RGPD4: variants seen among roughly 807,000 people sequenced by gnomAD.
The protein encoded by RGPD4 is ranBP2-like and GRIP domain-containing protein 4.
A neutral mutation model predicts 141.1 loss-of-function variants in RGPD4; 84 were observed. The ratio of observed to expected loss-of-function variants is 0.60; its 90% CI spans 0.50 to 0.71. The LOEUF (loss-of-function observed/expected upper bound fraction) is 0.71, where lower values mean the gene tolerates loss of function less well. RGPD4 is among the 30% of genes least tolerant of loss of function. The pLI, the probability that RGPD4 is intolerant of heterozygous loss-of-function variation, is 0.00. For synonymous variants in RGPD4, 298 were observed against 566.8 expected (o/e 0.53, Z 6.74); for missense variants, 918 against 1,622.4 (o/e 0.57, Z 7.46).
At chr2:107,882,372 C>T (rs1414859003) in intron 21 of RGPD4, among the ~76,000 whole-genome samples, 3 of 151,846 alleles carry the variant, frequency 2.0e-5, no homozygotes, top group Non-Finnish European at 4.4e-5. Flanking sequence ...ACAGTGGAGT[C>T]CTATAGCCCA....
chr2:107,856,353 G>A (rs1682312032), intron 8 of RGPD4, among the ~76,000 whole-genome samples: 1 of 142,986 alleles, frequency 7.0e-6, no homozygotes, highest in Admixed American at 7.1e-5. Flanking sequence ...GAGCCACCAT[G>A]CCCAGCTGGA....
intron 1 of RGPD4, among the ~76,000 whole-genome samples, chr2:107,830,151 A>G (rs530251776): frequency 2.1e-3 from 314 of 151,514 alleles, no homozygotes; most frequent in Non-Finnish European, 3.3e-3. Flanking sequence ...ATCCCCGCCC[A>G]GAAGACTTTG....
intron 22 of RGPD4, among the ~76,000 whole-genome samples, chr2:107,890,490 A>C (rs1450277477): frequency 5.4e-5 from 7 of 129,788 alleles, no homozygotes; most frequent in Non-Finnish European, 1.1e-4. Context: ...TCAAGGCTGC[A>C]CTGAAGTCTC....
chr2:107,857,790 A>C (rs59465525), intron 9 of RGPD4, among the ~76,000 whole-genome samples: 3 of 150,804 alleles, frequency 2.0e-5, no homozygotes, highest in Non-Finnish European at 4.4e-5. Context: ...TCAGGAGTTC[A>C]AGACCATCCT....
At chr2:107,830,511 T>C (rs1443919838) in intron 1 of RGPD4, among the ~76,000 whole-genome samples, 2 of 152,146 alleles carry the variant, frequency 1.3e-5, no homozygotes, top group East Asian at 1.9e-4. Context: ...TGACGATTGG[T>C]TATTATGGCA....
chr2:107,849,669 C>T (rs1249390501), intron 7 of RGPD4, among the ~76,000 whole-genome samples: 1 of 88,392 alleles, frequency 1.1e-5, no homozygotes, highest in Admixed American at 1.1e-4. Flanking sequence ...CCATGCCCAG[C>T]CTTTTTTTTT....
At chr2:107,830,990 C>G (rs1681464312) in intron 1 of RGPD4, among the ~76,000 whole-genome samples, 1 of 151,884 alleles carries the variant, frequency 6.6e-6, no homozygotes, top group Non-Finnish European at 1.5e-5. Context: ...CCAGCCTGAC[C>G]AATATGGTGA....
chr2:107,890,374 T>C (rs202070083), intron 22 of RGPD4, among the ~76,000 whole-genome samples: 104 of 126,206 alleles, frequency 8.2e-4, no homozygotes, highest in African/African-American at 3.0e-3. Context: ...CAGTGAGACC[T>C]GCATCTCTAC....
intron 18 of RGPD4, among the ~76,000 whole-genome samples, chr2:107,868,822 GATTT>G (rs1287566519): frequency 1.0e-5 from 1 of 100,206 alleles, no homozygotes; most frequent in Non-Finnish European, 2.1e-5. Context: ...ACTTTTAGTA[GATTT>G]ATTAGAGCCG....
At chr2:107,829,688 G>A (rs913430141) in intron 1 of RGPD4, among the ~76,000 whole-genome samples, 139 of 152,260 alleles carry the variant, frequency 9.1e-4, no homozygotes, top group Non-Finnish European at 1.7e-3. Context: ...GTCCTGGGGG[G>A]ACCGCGGCGG....
intron 1 of RGPD4, among the ~76,000 whole-genome samples, chr2:107,834,644 C>T (rs1322462287): frequency 6.7e-6 from 1 of 150,360 alleles, no homozygotes; most frequent in African/African-American, 2.5e-5. Flanking sequence ...GCAAGAGTAG[C>T]GATGCTGGCA....
At chr2:107,885,115 T>C (rs1202770723) in intron 22 of RGPD4, among the ~76,000 whole-genome samples, 1 of 152,010 alleles carries the variant, frequency 6.6e-6, no homozygotes, top group Admixed American at 6.6e-5. Flanking sequence ...TAAGAATACA[T>C]CATGTATATT....
chr2:107,829,833 G>C (rs185076517), intron 1 of RGPD4, among the ~76,000 whole-genome samples: 2 of 152,032 alleles, frequency 1.3e-5, no homozygotes, highest in Non-Finnish European at 1.5e-5. Flanking sequence ...CCTGGTTCTC[G>C]GGGGCTTAGG....
intron 11 of RGPD4, 62 bp from the exon 12 acceptor site, chr2:107,859,660 T>G: frequency 6.2e-7 from 1 of 1,611,212 alleles, no homozygotes; most frequent in South Asian, 1.1e-5. Flanking sequence ...TTAACATATA[T>G]GTATGTAAGC....
chr2:107,834,574 TGGA>T (rs1558790352), intron 1 of RGPD4, among the ~76,000 whole-genome samples: 1 of 152,140 alleles, frequency 6.6e-6, no homozygotes, highest in Non-Finnish European at 1.5e-5. Context: ...GATCAGTTGT[TGGA>T]GTATTGCAGT....
rs765563669 is a variant in RGPD4, at chr2:107,870,797, A to G, written c.2793A>G (p.Gly931=). 18 of 1,606,038 alleles carry G rather than the reference A, an allele frequency of 1.1e-5. 1 individual carries two copies. Among genetic ancestry groups the G allele is most frequent in the Non-Finnish European group, 1.5e-5 (18 of 1,175,900 alleles). Reference sequence around the variant, plus strand: ...TTAAATTTGGCATTTCGGAACCAGGAAATCAAGAAAAGGAAAGTGAAAAGC... The same window carrying G: ...TTAAATTTGGCATTTCGGAACCAGGGAATCAAGAAAAGGAAAGTGAAAAGC... ...DGFKFGISEP[G]NQEKESEKPL... is the part of the protein sequence containing the mutation. The change falls in exon 20 of 23, where the codon GGA becomes GGG. Residue 931 remains glycine (G), a synonymous_variant. Transcript: ENST00000408999.
chr2:107,860,986 ACATGGAGCTATACACTGCTTAAATT>A (rs1272921345), intron 13 of RGPD4, 59 bp downstream of exon 13: 8 of 1,275,450 alleles, frequency 6.3e-6, no homozygotes, highest in Non-Finnish European at 7.4e-6. Context: ...ATAAACAAAG[ACATGGAGCTATACACTGCTTAAATT>A]AATTGCCTTG....
At chr2:107,833,219 C>G (rs924962162) in intron 1 of RGPD4, among the ~76,000 whole-genome samples, 13 of 149,418 alleles carry the variant, frequency 8.7e-5, no homozygotes, top group Admixed American at 8.7e-4. Context: ...GGTGACAGAG[C>G]GAGACTCCGT....
At chr2:107,832,353 T>G (rs1681522502) in intron 1 of RGPD4, among the ~76,000 whole-genome samples, 1 of 151,680 alleles carries the variant, frequency 6.6e-6, no homozygotes. Context: ...ACCCTTTGTT[T>G]CTTGTATCTC....
Sources: allele counts gnomAD v4.1 joint callset (sites outside exome capture counted in the v4.1 genomes callset), GRCh38; gene constraint gnomAD v4.1.1; transcripts MANE v1.5; gene names NCBI Gene and HGNC (gene_info 2026-07-23, HGNC 2026-07-21).